PNO1: variants seen among roughly 807,000 people sequenced by gnomAD.
PNO1 encodes RNA-binding protein PNO1.
PNO1 carries 16 observed loss-of-function variants against 28.4 expected under a neutral mutation model. That is an observed-to-expected ratio of 0.56 (90% CI 0.38 to 0.85). The LOEUF is 0.85. Among genes scored for constraint, PNO1 ranks in the 40% least tolerant of loss-of-function variants. PNO1 has a pLI of 0.00. For missense variants in PNO1, 304 were observed against 312.2 expected (o/e 0.97, Z 0.20); for synonymous variants, 115 against 110.8 (o/e 1.04, Z -0.24).
At chr2:68,159,956 A>G (rs74907669) in intron 2 of PNO1, among the ~76,000 whole-genome samples, 13 of 145,976 alleles carry the variant, frequency 8.9e-5, no homozygotes, top group Admixed American at 2.8e-4. Context: ...TTCAAAAAAC[A>G]AAAAAAAATT....
chr2:68,167,538 T>A (rs939841974), intron 5 of PNO1, among the ~76,000 whole-genome samples: 10 of 152,200 alleles, frequency 6.6e-5, no homozygotes, highest in Non-Finnish European at 1.5e-4. Flanking sequence ...CCTGACTGCA[T>A]TTGCACAAAA....
At chr2:68,171,313 C>T (rs907844711) in intron 5 of PNO1, among the ~76,000 whole-genome samples, 7 of 152,148 alleles carry the variant, frequency 4.6e-5, no homozygotes, top group African/African-American at 1.4e-4. Flanking sequence ...CCAAAAACGC[C>T]CCCATGCTTT....
intron 5 of PNO1, among the ~76,000 whole-genome samples, chr2:68,165,016 C>T (rs1394231855): frequency 7.6e-6 from 1 of 131,752 alleles, no homozygotes; most frequent in African/African-American, 3.6e-5. Flanking sequence ...AAAAAATCTT[C>T]GGTTAAATCA....
chr2:68,174,033 A>C (rs1312564968), intron 6 of PNO1, among the ~76,000 whole-genome samples: 2 of 152,210 alleles, frequency 1.3e-5, no homozygotes, highest in Non-Finnish European at 2.9e-5. Context: ...TTTAGGTTTA[A>C]CAAAGGAAGA....
In PNO1 at chr2:68,174,967, T is replaced by G. The variant is rs1674236546; in HGVS notation, c.*165T>G. The G allele has an allele frequency of 1.9e-6, 1 of 517,536 alleles. No homozygotes were observed. The highest frequency in any genetic ancestry group is 3.5e-6 in the Non-Finnish European group (1 of 287,860). The allele number at this position is 517,536 out of a possible 1,614,324, so 32.1% of individuals were successfully genotyped here. On this transcript the variant is annotated 3_prime_UTR_variant, in exon 7 of 7. Transcript: ENST00000263657. The stretch of plus-strand genomic sequence containing the variant: ...ACAGAAAAGAAAGATTTAAGAGGAT[T>G]CACACTCAACAGGTTTTAGGATAAT...
In PNO1 at chr2:68,162,682, G is replaced by T; in HGVS notation, c.620+19G>T. ...CTGATGTGTAAGTATCTGATCTTGA[G>T]AAAATTATTGTCATAATTTATATTT... On this transcript the variant is annotated intron_variant, in intron 5 of 6. Transcript: ENST00000263657. 1 of 1,326,914 alleles carries T rather than the reference G, an allele frequency of 7.5e-7. No homozygotes were observed. Among genetic ancestry groups the T allele is most frequent in the Non-Finnish European group, 1.1e-6 (1 of 918,876 alleles). The allele number at this position is 1,326,914 out of a possible 1,614,324, so 82.2% of individuals were successfully genotyped here.
intron 5 of PNO1, among the ~76,000 whole-genome samples, chr2:68,163,083 G>A (rs1427014386): frequency 6.6e-6 from 1 of 152,200 alleles, no homozygotes; most frequent in Non-Finnish European, 1.5e-5. Context: ...TTCGAACCGT[G>A]TTAAGTTGGG....
intron 2 of PNO1, among the ~76,000 whole-genome samples, chr2:68,158,906 C>A (rs531334590): frequency 2.4e-4 from 36 of 152,284 alleles, no homozygotes; most frequent in African/African-American, 7.9e-4. Flanking sequence ...GGAATATGTT[C>A]TGGGATATGT....
At chr2:68,174,496 T>C (rs1164313691) in intron 6 of PNO1, among the ~76,000 whole-genome samples, 1 of 152,130 alleles carries the variant, frequency 6.6e-6, no homozygotes, top group African/African-American at 2.4e-5. Context: ...CACAATACAG[T>C]ACTATTTACA....
intron 4 of PNO1, 83 bp downstream of exon 4, chr2:68,162,408 G>A: frequency 8.5e-7 from 1 of 1,174,172 alleles, no homozygotes; most frequent in Admixed American, 2.0e-5. Flanking sequence ...CATCAATTGA[G>A]CTGTATTTTT....
chr2:68,173,005 CTGACTCA>C (rs1674169791), intron 5 of PNO1: 1 of 193,840 alleles, frequency 5.2e-6, no homozygotes, highest in South Asian at 1.8e-4. Flanking sequence ...ATTAAAGAAT[CTGACTCA>C]AATATCATGA....
In PNO1 at chr2:68,173,501, A is replaced by G. The variant is rs1235570399; in HGVS notation, c.691+84A>G. The G allele has an allele frequency of 9.8e-6, 8 of 812,974 alleles. No homozygotes were observed. In the African/African-American group the frequency reaches 1.4e-4, roughly 14 times the overall value. The allele number at this position is 812,974 out of a possible 1,614,324, so 50.4% of individuals were successfully genotyped here. A position where few individuals can be genotyped will look rare whatever the true frequency, so the allele number is the denominator to read the frequency against. On this transcript the variant is annotated intron_variant, in intron 6 of 6. Transcript: ENST00000263657. ...AAGTCAAAACCACATTTGCAAAGCA[A>G]TTTAGGGTAATATTAAAGATCGCAA...
intron 6 of PNO1, among the ~76,000 whole-genome samples, chr2:68,174,338 C>A (rs895144883): frequency 6.6e-4 from 23 of 34,762 alleles, no homozygotes; most frequent in African/African-American, 2.5e-3. Flanking sequence ...TGTCTCTGTT[C>A]TTTTTAGGGT....
At chr2:68,161,357 C>A in intron 2 of PNO1, 1 of 475,120 alleles carries the variant, frequency 2.1e-6, no homozygotes, top group Non-Finnish European at 4.3e-6. Flanking sequence ...AAGGGATGGA[C>A]AGAAGGTAGA....
At chr2:68,163,963 C>T (rs1423168758) in intron 5 of PNO1, among the ~76,000 whole-genome samples, 1 of 152,110 alleles carries the variant, frequency 6.6e-6, no homozygotes, top group Non-Finnish European at 1.5e-5. Flanking sequence ...GAAATAATTT[C>T]ATTTAATATC....
chr2:68,158,511 AAGGAATGT>A lies in PNO1; in HGVS notation c.342_349del (p.Val116GlnfsTer4). ...TTCAGATACGCTTTAACTTGAAATC[AAGGAATGT>A]AGAAATCAGGGTAAGGAAAATCTCA... On this transcript the variant is annotated frameshift_variant, in exon 2 of 7. Transcript: ENST00000263657. LOFTEE classifies it high-confidence loss of function. The A allele has an allele frequency of 6.2e-7, 1 of 1,613,150 alleles. No homozygotes were observed. The highest frequency in any genetic ancestry group is 1.1e-5 in the South Asian group (1 of 90,896).
intron 2 of PNO1, chr2:68,161,133 G>A (rs1341195895): frequency 4.3e-6 from 2 of 461,278 alleles, no homozygotes; most frequent in Non-Finnish European, 9.0e-6. Flanking sequence ...GGCTTTTTAT[G>A]AATAACAGTT....
chr2:68,170,673 G>A (rs1327168621), intron 5 of PNO1, among the ~76,000 whole-genome samples: 3 of 147,492 alleles, frequency 2.0e-5, no homozygotes, highest in South Asian at 2.1e-4. Flanking sequence ...GCGAGAATCC[G>A]AGAGGCGGAG....
chr2:68,158,226 C>T lies in PNO1; in HGVS notation c.207+85C>T, dbSNP rs561357752. 6.5e-5 allele frequency: 93 copies of T among 1,426,286 alleles called. No homozygotes were observed. The East Asian group carries it at 2.1e-3, about 32-fold the overall frequency. The allele number at this position is 1,426,286 out of a possible 1,614,324, so 88.4% of individuals were successfully genotyped here. A position where few individuals can be genotyped will look rare whatever the true frequency, so the allele number is the denominator to read the frequency against. The stretch of plus-strand genomic sequence containing the variant: ...TGGCCTCTGGAGAATGTTGAAGCTG[C>T]GGTGGGGCTGTTCTGCCGTGATGCT... On this transcript the variant is annotated intron_variant, in intron 1 of 6. Coordinates refer to ENST00000263657, the MANE Select transcript of PNO1 (RefSeq NM_020143.4).
Sources: allele counts gnomAD v4.1 joint callset (sites outside exome capture counted in the v4.1 genomes callset), GRCh38; gene constraint gnomAD v4.1.1; transcripts MANE v1.5; gene names NCBI Gene and HGNC (gene_info 2026-07-23, HGNC 2026-07-21).